Variants in BTRC observed in about 807,000 individuals in gnomAD.
BTRC encodes F-box/WD repeat-containing protein 1A.
In BTRC, 42 loss-of-function variants were observed where a neutral mutation model predicts 85.5. That is an observed-to-expected ratio of 0.49 (90% CI 0.38 to 0.64). The LOEUF (loss-of-function observed/expected upper bound fraction) is 0.64, where lower values mean the gene tolerates loss of function less well. Ranked by LOEUF, BTRC falls within the 30% of genes least tolerant of loss-of-function variation. The pLI is 0.00. For synonymous variants in BTRC, 255 were observed against 263.3 expected, an observed-to-expected ratio of 0.97 and a Z score of 0.30; for missense variants, 594 against 743.5, an observed-to-expected ratio of 0.80 and a Z score of 2.34.
intron 1 of BTRC, among the ~76,000 whole-genome samples, chr10:101,429,480 C>G (rs897162369): frequency 6.8e-6 from 1 of 147,570 alleles, no homozygotes; most frequent in African/African-American, 2.5e-5. Flanking sequence ...TTCTAGGTGT[C>G]GTCTTCTTCC....
chr10:101,516,525 AG>A (rs1257485959), intron 4 of BTRC, among the ~76,000 whole-genome samples: 1 of 152,180 alleles, frequency 6.6e-6, no homozygotes, highest in Non-Finnish European at 1.5e-5. Flanking sequence ...ACTCGTTTTG[AG>A]GGGTGGTGAC....
intron 4 of BTRC, among the ~76,000 whole-genome samples, chr10:101,495,147 C>CA (rs1324109597): frequency 1.3e-5 from 2 of 152,162 alleles, no homozygotes; most frequent in African/African-American, 2.4e-5. Context: ...GACAATACTA[C>CA]AGGTACAGTG....
chr10:101,536,308 T>C (rs978907914), intron 11 of BTRC, among the ~76,000 whole-genome samples: 1 of 152,278 alleles, frequency 6.6e-6, no homozygotes, highest in South Asian at 2.1e-4. Context: ...TACAGAATTA[T>C]GTAAAGCCCT....
intron 1 of BTRC, among the ~76,000 whole-genome samples, chr10:101,396,126 A>G (rs527409609): frequency 6.6e-6 from 1 of 151,946 alleles, no homozygotes; most frequent in African/African-American, 2.4e-5. Flanking sequence ...GTTATAGCGA[A>G]TACTGGTACA....
chr10:101,441,580 A>T (rs1338543412), intron 2 of BTRC, among the ~76,000 whole-genome samples: 3 of 152,176 alleles, frequency 2.0e-5, no homozygotes, highest in African/African-American at 7.2e-5. Context: ...TGTTGGTTCT[A>T]CTAGAAAGTT....
chr10:101,360,370 C>CTTTT (rs35794052), intron 1 of BTRC, among the ~76,000 whole-genome samples: 13 of 89,930 alleles, frequency 1.4e-4, no homozygotes, highest in African/African-American at 4.2e-4. Context: ...ATGGGATCTG[C>CTTTT]TTTTTTTTTT....
intron 2 of BTRC, among the ~76,000 whole-genome samples, chr10:101,457,073 T>G (rs1382233693): frequency 1.3e-5 from 2 of 152,212 alleles, no homozygotes; most frequent in Admixed American, 6.5e-5. Context: ...ATTTATAAAT[T>G]AGTCATAGTA....
intron 1 of BTRC, among the ~76,000 whole-genome samples, chr10:101,356,101 CA>C (rs1319647637): frequency 1.3e-5 from 2 of 152,212 alleles, no homozygotes; most frequent in African/African-American, 4.8e-5. Context: ...CTCCTGGGTT[CA>C]AGCGATTCTC....
chr10:101,395,823 A>G (rs1395620808), intron 1 of BTRC, among the ~76,000 whole-genome samples: 5 of 152,260 alleles, frequency 3.3e-5, no homozygotes, highest in Admixed American at 3.3e-4. Context: ...ATTATGAATA[A>G]TCTTTTACAT....
chr10:101,409,014 A>T (rs531850022), intron 1 of BTRC, among the ~76,000 whole-genome samples: 18 of 152,180 alleles, frequency 1.2e-4, no homozygotes, highest in Non-Finnish European at 8.8e-5. Context: ...GTGCCACTGC[A>T]CTCCAGCCTG....
chr10:101,506,089 T>C (rs1294535201), intron 4 of BTRC, among the ~76,000 whole-genome samples: 1 of 152,188 alleles, frequency 6.6e-6, no homozygotes, highest in Non-Finnish European at 1.5e-5. Context: ...AATTTTTCTA[T>C]TTTTAGTAGA....
At chr10:101,413,830 A>C (rs780565496) in intron 1 of BTRC, among the ~76,000 whole-genome samples, 8 of 152,168 alleles carry the variant, frequency 5.3e-5, no homozygotes, top group Admixed American at 1.3e-4. Context: ...TTTTATATAC[A>C]GGATTTTCAT....
intron 1 of BTRC, among the ~76,000 whole-genome samples, chr10:101,402,576 A>T (rs190368596): frequency 6.6e-6 from 1 of 152,340 alleles, no homozygotes; most frequent in Non-Finnish European, 1.5e-5. Context: ...TTCCTATCTT[A>T]AAAATTCTAT....
chr10:101,440,573 T>G (rs576828254), intron 2 of BTRC, among the ~76,000 whole-genome samples: 2 of 152,164 alleles, frequency 1.3e-5, no homozygotes, highest in South Asian at 2.1e-4. Flanking sequence ...ATACAAAAAA[T>G]TAGCCAGTCA....
chr10:101,432,865 C>G (rs1362979062), intron 2 of BTRC, among the ~76,000 whole-genome samples: 5 of 152,176 alleles, frequency 3.3e-5, no homozygotes, highest in African/African-American at 1.2e-4. Flanking sequence ...ACAATACTCA[C>G]AGAGTATTAC....
At chr10:101,521,991 A>AACT (rs2062113081) in intron 5 of BTRC, 121 bp downstream of exon 5, 2 of 356,364 alleles carry the variant, frequency 5.6e-6, no homozygotes, top group South Asian at 9.6e-5. Flanking sequence ...TAAGTTCCTT[A>AACT]ACTGTACCTT....
intron 4 of BTRC, among the ~76,000 whole-genome samples, chr10:101,519,107 TCGC>T (rs1392110258): frequency 2.0e-5 from 3 of 149,816 alleles, no homozygotes; most frequent in African/African-American, 4.9e-5. Context: ...AGATGGAGTT[TCGC>T]TCTCGTTGCC....
chr10:101,392,977 T>C (rs1392617959), intron 1 of BTRC, among the ~76,000 whole-genome samples: 3 of 152,180 alleles, frequency 2.0e-5, no homozygotes, highest in African/African-American at 7.2e-5. Flanking sequence ...CAGGAAATAG[T>C]CTGTCTCCTG....
chr10:101,384,642 A>G (rs1207262750), intron 1 of BTRC, among the ~76,000 whole-genome samples: 2 of 152,226 alleles, frequency 1.3e-5, no homozygotes, highest in Non-Finnish European at 2.9e-5. Flanking sequence ...GTTTGGACTA[A>G]CAGTCCAGCC....
Sources: allele counts gnomAD v4.1 joint callset (sites outside exome capture counted in the v4.1 genomes callset), GRCh38; gene constraint gnomAD v4.1.1; transcripts MANE v1.5; gene names NCBI Gene and HGNC (gene_info 2026-07-23, HGNC 2026-07-21).